The following CCDC150 variants were observed in gnomAD, a reference collection of about 807,000 sequenced individuals.
The protein encoded by CCDC150 is coiled-coil domain containing 150, also known as coiled-coil domain-containing protein 150.
CCDC150 carries 151 observed loss-of-function variants against 156.5 expected under a neutral mutation model. The observed-to-expected ratio is 0.97, with a 90% confidence interval of 0.85 to 1.10. The LOEUF (loss-of-function observed/expected upper bound fraction) is 1.10, where lower values mean the gene tolerates loss of function less well. CCDC150 is among the 50% of genes least tolerant of loss of function. CCDC150 has a pLI of 0.00. For synonymous variants in CCDC150, 452 were observed against 429.4 expected, an observed-to-expected ratio of 1.05 and a Z score of -0.65; for missense variants, 1,312 against 1,268.1, an observed-to-expected ratio of 1.03 and a Z score of -0.53.
At chr2:196,676,501 G>A in intron 11 of CCDC150, 53 bp from the exon 12 acceptor site, 2 of 1,477,006 alleles carry the variant, frequency 1.4e-6, no homozygotes, top group Non-Finnish European at 1.8e-6. Flanking sequence ...TGCTCTTTCT[G>A]TTAAATTAGA....
chr2:196,730,795 G>T (rs981094703), intron 25 of CCDC150, 64 bp from the exon 26 acceptor site: 3 of 1,238,604 alleles, frequency 2.4e-6, no homozygotes, highest in Admixed American at 4.2e-5. Context: ...TATTATAACA[G>T]TGAAGCATTT....
At chr2:196,718,218 T>G (rs1697656968) in intron 17 of CCDC150, 2 of 184,106 alleles carry the variant, frequency 1.1e-5, no homozygotes, top group African/African-American at 4.7e-5. Context: ...GAAGCTAGTC[T>G]CATAATAATT....
rs1023605435 is a variant in CCDC150 at position 196,722,947 on chromosome 2, A to G, written c.2429+1256A>G. Reference sequence around the variant, plus strand: ...TGAGAGTTAGAGGTCTCCTTGCAGCATTTGCTTCAGGATTTACCCTTATGC... The same window carrying G: ...TGAGAGTTAGAGGTCTCCTTGCAGCGTTTGCTTCAGGATTTACCCTTATGC... On this transcript the variant is annotated intron_variant, in intron 21 of 27. Coordinates refer to ENST00000389175, the MANE Select transcript of CCDC150 (RefSeq NM_001080539.2). Among the ~76,000 whole-genome samples, 7 of 152,186 alleles carry G rather than the reference A, an allele frequency of 4.6e-5. No individual in the cohort carries two copies. The East Asian group carries it at 1.3e-3, about 29-fold the overall frequency.
At chr2:196,657,801 T>C (rs756579311) in intron 4 of CCDC150, among the ~76,000 whole-genome samples, 1 of 152,216 alleles carries the variant, frequency 6.6e-6, no homozygotes, top group Non-Finnish European at 1.5e-5. Flanking sequence ...GATATTATTA[T>C]CCCCATTTTT....
chr2:196,713,374 G>A (rs1575935656), intron 17 of CCDC150: 3 of 1,476,594 alleles, frequency 2.0e-6, no homozygotes, highest in African/African-American at 1.4e-5. Context: ...TAAGAAAAAG[G>A]AAATCCCCAG....
At chr2:196,639,826 G>T (rs747773206) in intron 1 of CCDC150, 48 bp downstream of exon 1, 1 of 1,539,596 alleles carries the variant, frequency 6.5e-7, no homozygotes, top group South Asian at 1.2e-5. Flanking sequence ...GGAGGCTCGC[G>T]AGGCTTCGGC....
At chr2:196,718,833 G>GC (rs1032676170) in intron 18 of CCDC150, among the ~76,000 whole-genome samples, 7 of 148,964 alleles carry the variant, frequency 4.7e-5, no homozygotes, top group East Asian at 3.9e-4. Flanking sequence ...AACTCCCAAT[G>GC]TTTTTTTTTT....
chr2:196,723,765 A>C (rs941189539), intron 21 of CCDC150, among the ~76,000 whole-genome samples: 12 of 152,218 alleles, frequency 7.9e-5, no homozygotes, highest in Non-Finnish European at 1.8e-4. Context: ...TGGGTTTTGC[A>C]ACAGGTATCT....
chr2:196,705,920 T>C (rs1017325888), intron 15 of CCDC150, among the ~76,000 whole-genome samples: 4 of 152,260 alleles, frequency 2.6e-5, no homozygotes, highest in African/African-American at 9.6e-5. Context: ...TATATCTGTT[T>C]TGGTGCCAGT....
chr2:196,648,135 A>G (rs1299641838), intron 2 of CCDC150, among the ~76,000 whole-genome samples: 2 of 152,118 alleles, frequency 1.3e-5, no homozygotes, highest in Non-Finnish European at 2.9e-5. Context: ...ACTGATTTCA[A>G]TTCCTTGGGA....
intron 21 of CCDC150, among the ~76,000 whole-genome samples, chr2:196,724,517 T>A (rs1382763804): frequency 6.6e-6 from 1 of 152,186 alleles, no homozygotes; most frequent in Non-Finnish European, 1.5e-5. Context: ...CATGCATTAT[T>A]TCCTTTAGTA....
At chr2:196,666,073 A>G (rs1450195459) in intron 6 of CCDC150, among the ~76,000 whole-genome samples, 1 of 152,230 alleles carries the variant, frequency 6.6e-6, no homozygotes, top group African/African-American at 2.4e-5. Flanking sequence ...TGACATGGAT[A>G]GAAAATAAAG....
In CCDC150 at chr2:196,663,152, TCA is replaced by T. The variant is rs60923486; in HGVS notation, c.646-2413_646-2412del. ...TACTCAGGAGGCTGAGGCGGGAGGA[TCA>T]CTTGAGTTGGGGGAGGTCAAGACTG... On this transcript the variant is annotated intron_variant, in intron 5 of 27. Transcript: ENST00000389175. Among the ~76,000 whole-genome samples the T allele has an allele frequency of 5.5e-3, 830 of 152,174 alleles. 10 individuals carry two copies. The highest frequency in any genetic ancestry group is 0.019 in the African/African-American group (795 of 41,516).
chr2:196,712,285 C>A, intron 16 of CCDC150, 33 bp downstream of exon 16: 1 of 1,186,406 alleles, frequency 8.4e-7, no homozygotes, highest in Non-Finnish European at 1.2e-6. Context: ...CGGATTGCTG[C>A]TATATTTCGT....
chr2:196,720,722 A>C, intron 20 of CCDC150, 54 bp downstream of exon 20: 1 of 1,464,270 alleles, frequency 6.8e-7, no homozygotes, highest in South Asian at 1.2e-5. Context: ...TTTTATTGGG[A>C]TATTACTGTT....
intron 2 of CCDC150, among the ~76,000 whole-genome samples, chr2:196,655,154 C>CATTT (rs1285134431): frequency 2.6e-5 from 4 of 152,228 alleles, no homozygotes; most frequent in Non-Finnish European, 4.4e-5. Context: ...CTAAGGCAGG[C>CATTT]ATTTATCTCT....
At chr2:196,669,554 A>G (rs1368758443) in intron 7 of CCDC150, among the ~76,000 whole-genome samples, 4 of 152,082 alleles carry the variant, frequency 2.6e-5, no homozygotes, top group South Asian at 2.1e-4. Context: ...CCTTGCCTTT[A>G]TTGTACCTTT....
At chr2:196,673,762 T>C (rs1193257803) in intron 9 of CCDC150, among the ~76,000 whole-genome samples, 1 of 152,210 alleles carries the variant, frequency 6.6e-6, no homozygotes, top group Non-Finnish European at 1.5e-5. Flanking sequence ...CAAACAATTT[T>C]TGTTTTATTT....
In CCDC150 at chr2:196,656,665, A is replaced by T. The variant is rs1015344453; in HGVS notation, c.209A>T (p.Asp70Val). The change falls in exon 3 of 28, where the codon GAC (aspartate) becomes GTC (valine). Residue 70 changes from aspartate to valine, a missense_variant. Physicochemically the swap from Asp to Val is radical, Grantham distance 152. Transcript: ENST00000389175. The stretch of plus-strand genomic sequence containing the variant: ...TTGGAAGCTCCAGACTGTTTAGAAG[A>T]CCTGGACAGCCAGAAAGTCATTAGT... ...GYLEAPDCLE[D>V]LDSQKVISPI... 1 of 1,612,356 alleles carries T rather than the reference A, an allele frequency of 6.2e-7. No individual in the cohort carries two copies.
Sources: gnomAD v4.1 joint callset for allele counts (sites outside exome capture counted in the v4.1 genomes callset) on GRCh38, gnomAD v4.1.1 for gene constraint, MANE v1.5 for transcripts, NCBI Gene and HGNC (gene_info 2026-07-23, HGNC 2026-07-21) for gene names.